Variants in ERO1A observed in about 807,000 individuals in gnomAD.
ERO1A encodes the protein ERO1-like protein alpha.
Under a neutral mutation model 76.9 loss-of-function variants are expected in ERO1A, and 49 were observed. The observed-to-expected ratio is 0.64, with a 90% confidence interval of 0.51 to 0.81. The LOEUF (loss-of-function observed/expected upper bound fraction) is 0.81, where lower values mean the gene tolerates loss of function less well. Ranked by LOEUF, ERO1A falls within the 30% of genes least tolerant of loss-of-function variation. The pLI, the probability that ERO1A is intolerant of heterozygous loss-of-function variation, is 0.00. For synonymous variants in ERO1A, 174 were observed against 181.2 expected, an observed-to-expected ratio of 0.96 and a Z score of 0.32; for missense variants, 448 against 542.1, an observed-to-expected ratio of 0.83 and a Z score of 1.72.
At chr14:52,687,124 C>T (rs1336455305) in intron 1 of ERO1A, among the ~76,000 whole-genome samples, 1 of 152,114 alleles carries the variant, frequency 6.6e-6, no homozygotes, top group Non-Finnish European at 1.5e-5. Context: ...TTCTAGAAAC[C>T]AGAGAACAAA....
At chr14:52,671,454 C>CT (rs1465590418) in intron 6 of ERO1A, 176 bp downstream of exon 6, 3 of 496,698 alleles carry the variant, frequency 6.0e-6, no homozygotes, top group Non-Finnish European at 1.1e-5. Context: ...TGAGATGGGT[C>CT]TTACTATGTT....
chr14:52,670,557 G>T (rs1259200714), intron 6 of ERO1A, among the ~76,000 whole-genome samples: 1 of 152,096 alleles, frequency 6.6e-6, no homozygotes, highest in Admixed American at 6.6e-5. Flanking sequence ...GAGTTTTAAT[G>T]AATCTGGGGC....
chr14:52,648,778 G>C (rs1460655971), intron 13 of ERO1A, among the ~76,000 whole-genome samples: 1 of 152,166 alleles, frequency 6.6e-6, no homozygotes, highest in East Asian at 1.9e-4. Flanking sequence ...TCAAATACTT[G>C]AATGTGACAG....
rs184824988 is a variant in ERO1A at position 52,660,890 on chromosome 14, G to C, written c.688+403C>G. Among the ~76,000 whole-genome samples, 247 of 152,318 alleles carry C rather than the reference G, an allele frequency of 1.6e-3. 1 individual carries two copies. The highest frequency in any genetic ancestry group is 5.8e-3 in the African/African-American group (241 of 41,572). On this transcript the variant is annotated intron_variant, in intron 9 of 15. Coordinates refer to ENST00000395686, the MANE Select transcript of ERO1A (RefSeq NM_014584.3). ...AATGACACCTACATCCAACAAGTCA[G>C]CATCAACCTTAGAAGCCAGCTCTGA...
At chr14:52,650,577 CA>C in intron 13 of ERO1A, among the ~76,000 whole-genome samples, 1 of 150,988 alleles carries the variant, frequency 6.6e-6, no homozygotes, top group Admixed American at 6.6e-5. Flanking sequence ...TATATAATTT[CA>C]TGTGTGTGTG....
chr14:52,655,050 T>A (rs1403520872), intron 11 of ERO1A, among the ~76,000 whole-genome samples: 1 of 152,204 alleles, frequency 6.6e-6, no homozygotes, highest in Non-Finnish European at 1.5e-5. Flanking sequence ...TTTTTCTCTG[T>A]TTGTAAAAGG....
intron 4 of ERO1A, among the ~76,000 whole-genome samples, chr14:52,676,540 G>A (rs1051317811): frequency 6.6e-6 from 1 of 152,184 alleles, no homozygotes; most frequent in African/African-American, 2.4e-5. Flanking sequence ...GGAGGCAGCT[G>A]TCCCTAGTCA....
chr14:52,643,713 T>TG, intron 15 of ERO1A, 83 bp from the exon 16 acceptor site: 1 of 700,706 alleles, frequency 1.4e-6, no homozygotes, highest in Non-Finnish European at 2.3e-6. Context: ...TTTTAAAACA[T>TG]TTTTAAAGTA....
rs1372663907 is a variant in ERO1A at position 52,640,434 on chromosome 14, T to TGTAA, written c.*3132_*3135dup. 6.6e-6 allele frequency: 1 copy of TGTAA among 152,166 alleles called. No individual in the cohort carries two copies. The highest frequency in any genetic ancestry group is 2.4e-5 in the African/African-American group (1 of 41,438). The allele number at this position is 152,166 out of a possible 1,614,324, so 9.4% of individuals were successfully genotyped here. On this transcript the variant is annotated 3_prime_UTR_variant, in exon 16 of 16. Transcript: ENST00000395686. ...TGGCCAAATGTGGCTTCTGAAGAAG[T>TGTAA]GTAAGTCTGTTTCACCAGAACATTC...
chr14:52,672,693 C>G lies in ERO1A; in HGVS notation c.358-822G>C, dbSNP rs991482796. ...GTTGAGGTGGCAGGATTGCTTGAGC[C>G]CAGGAGTTCGAGGTTACAGTGAACT... On this transcript the variant is annotated intron_variant, in intron 4 of 15. Coordinates refer to ENST00000395686, the MANE Select transcript of ERO1A (RefSeq NM_014584.3). Among the ~76,000 whole-genome samples the G allele has an allele frequency of 3.3e-5, 5 of 150,708 alleles. No individual in the cohort carries two copies. The East Asian group carries it at 7.8e-4, about 24-fold the overall frequency.
intron 1 of ERO1A, among the ~76,000 whole-genome samples, chr14:52,687,137 A>G (rs910748032): frequency 6.6e-6 from 1 of 152,166 alleles, no homozygotes; most frequent in South Asian, 2.1e-4. Context: ...AGAACAAAGC[A>G]TGTTACTAGA....
At chr14:52,645,704 C>G (rs1307247117) in intron 15 of ERO1A, among the ~76,000 whole-genome samples, 1 of 151,892 alleles carries the variant, frequency 6.6e-6, no homozygotes, top group African/African-American at 2.4e-5. Flanking sequence ...GAAATGATTT[C>G]TTCAAAAAAA....
At chr14:52,655,797 G>A (rs1237529680) in intron 11 of ERO1A, among the ~76,000 whole-genome samples, 1 of 151,852 alleles carries the variant, frequency 6.6e-6, no homozygotes, top group East Asian at 1.9e-4. Flanking sequence ...TTTTTTTAAT[G>A]CAAACTTGTT....
chr14:52,664,670 TTTA>T (rs2139687164), intron 7 of ERO1A, among the ~76,000 whole-genome samples: 1 of 152,236 alleles, frequency 6.6e-6, no homozygotes, highest in Admixed American at 6.5e-5. Context: ...CATGGATTCT[TTTA>T]TTATTTTTCT....
chr14:52,650,164 A>G (rs1049798101), intron 13 of ERO1A, among the ~76,000 whole-genome samples: 4 of 152,050 alleles, frequency 2.6e-5, no homozygotes, highest in African/African-American at 9.7e-5. Context: ...GGCTGCAGTG[A>G]GCTATGATTA....
intron 6 of ERO1A, among the ~76,000 whole-genome samples, chr14:52,669,873 T>G (rs1372818182): frequency 6.6e-6 from 1 of 152,254 alleles, no homozygotes; most frequent in Non-Finnish European, 1.5e-5. Context: ...GATTGTAGGC[T>G]GCATCTTTGG....
intron 4 of ERO1A, among the ~76,000 whole-genome samples, chr14:52,672,443 T>C (rs958175067): frequency 6.6e-6 from 1 of 152,190 alleles, no homozygotes; most frequent in African/African-American, 2.4e-5. Context: ...TCAAATAAGT[T>C]GTCTCTATGT....
intron 4 of ERO1A, among the ~76,000 whole-genome samples, chr14:52,674,481 A>G (rs1400184745): frequency 6.6e-6 from 1 of 152,218 alleles, no homozygotes; most frequent in East Asian, 1.9e-4. Flanking sequence ...TTACACAGGC[A>G]TGAGCCACTA....
At chr14:52,689,412 A>G (rs1244651841) in intron 1 of ERO1A, among the ~76,000 whole-genome samples, 1 of 152,210 alleles carries the variant, frequency 6.6e-6, no homozygotes, top group African/African-American at 2.4e-5. Flanking sequence ...ACTCCACCAG[A>G]AAACCATTAG....
Sources: allele counts gnomAD v4.1 joint callset (sites outside exome capture counted in the v4.1 genomes callset), GRCh38; gene constraint gnomAD v4.1.1; transcripts MANE v1.5; gene names NCBI Gene and HGNC (gene_info 2026-07-23, HGNC 2026-07-21).